The following PLAAT5 variants were observed in gnomAD, a reference collection of about 807,000 sequenced individuals.
PLAAT5 encodes the protein Ca(2+)-independent N-acyltransferase.
A neutral mutation model predicts 27.8 loss-of-function variants in PLAAT5; 27 were observed. The ratio of observed to expected loss-of-function variants is 0.97; its 90% CI spans 0.72 to 1.34. PLAAT5 has a LOEUF of 1.34. Among genes scored for constraint, PLAAT5 ranks in the 40% most tolerant of loss-of-function variants. The pLI, the probability that PLAAT5 is intolerant of heterozygous loss-of-function variation, is 0.00. For synonymous variants in PLAAT5, 125 were observed against 136.1 expected (o/e 0.92, Z 0.57); for missense variants, 368 against 343.8 (o/e 1.07, Z -0.56).
In PLAAT5 at chr11:63,491,008, C is replaced by G. The variant is rs548967553; in HGVS notation, c.27G>C (p.Gly9=). The change falls in exon 1 of 6, where the codon GGG becomes GGC. Residue 9 remains glycine (G), a synonymous_variant. Coordinates refer to ENST00000540857, the MANE Select transcript of PLAAT5 (RefSeq NM_001146729.2). The part of the protein sequence containing the change: MGLSPGAE[G]EYALRLPRIP... ...TCCTAGGGAGGCGGAGCGCGTACTCCCCCTCGGCGCCCGGGCTCAGGCCCA... is the reference window on the plus strand; with the variant it reads ...TCCTAGGGAGGCGGAGCGCGTACTCGCCCTCGGCGCCCGGGCTCAGGCCCA... 58 of 1,516,930 alleles carry G rather than the reference C, an allele frequency of 3.8e-5. No individual in the cohort carries two copies. In the African/African-American group the frequency reaches 7.0e-4, roughly 18 times the overall value. 94.0% of individuals were successfully genotyped at this position (1,516,930 alleles called of 1,614,324 possible). A position where few individuals can be genotyped will look rare whatever the true frequency, so the allele number is the denominator to read the frequency against.
Position 63,463,600 on chromosome 11 carries a change from A to T in PLAAT5, c.718-5T>A, listed in dbSNP as rs1350722773. 2 of 1,612,460 alleles carry T rather than the reference A, an allele frequency of 1.2e-6. No homozygotes were observed. Among genetic ancestry groups the T allele is most frequent in the African/African-American group, 2.7e-5 (2 of 74,898 alleles). ...TTCCATCAGGGCGTGCTCTACCTGCAAAGCACATCAGTTCACAGGACAATC... is the reference window on the plus strand; with the variant it reads ...TTCCATCAGGGCGTGCTCTACCTGCTAAGCACATCAGTTCACAGGACAATC... On this transcript the variant is annotated splice_region_variant and splice_polypyrimidine_tract_variant and intron_variant, in intron 5 of 5. Coordinates refer to ENST00000540857, the MANE Select transcript of PLAAT5 (RefSeq NM_001146729.2).
At chr11:63,480,548 C>T (rs2016259269) in intron 3 of PLAAT5, among the ~76,000 whole-genome samples, 2 of 152,150 alleles carry the variant, frequency 1.3e-5, no homozygotes. Flanking sequence ...TGTTAAATTT[C>T]CTCCCACTGT....
chr11:63,469,127 TGTGTG>T (rs2015947123), intron 3 of PLAAT5, among the ~76,000 whole-genome samples: 1 of 145,824 alleles, frequency 6.9e-6, no homozygotes. Flanking sequence ...TGTGTGTGTG[TGTGTG>T]TGTGTGTGTG....
chr11:63,466,499 G>A, intron 4 of PLAAT5, 127 bp from the exon 5 acceptor site: 1 of 949,132 alleles, frequency 1.1e-6, no homozygotes, highest in Non-Finnish European at 1.5e-6. Flanking sequence ...GGTGGCAGAA[G>A]AGGGGAAGTT....
At chr11:63,473,716 T>G (rs2016086605) in intron 3 of PLAAT5, among the ~76,000 whole-genome samples, 1 of 151,032 alleles carries the variant, frequency 6.6e-6, no homozygotes, top group Non-Finnish European at 1.5e-5. Flanking sequence ...GTTTTTTTTT[T>G]TTTTTTGGTT....
chr11:63,490,424 A>G, intron 1 of PLAAT5, 91 bp from the exon 2 acceptor site: 2 of 1,603,464 alleles, frequency 1.2e-6, no homozygotes, highest in Non-Finnish European at 1.7e-6. Flanking sequence ...TCAGAGCTCT[A>G]GTCTAGCATC....
chr11:63,490,614 C>A (rs2016540669), intron 1 of PLAAT5: 2 of 610,248 alleles, frequency 3.3e-6, no homozygotes, highest in African/African-American at 3.7e-5. Context: ...ATGGGAGGAA[C>A]CTCTGCCGAG....
In PLAAT5 at chr11:63,490,938, C is replaced by A; in HGVS notation, c.97G>T (p.Gly33Trp). 1.9e-6 allele frequency: 3 copies of A among 1,597,708 alleles called. No individual in the cohort carries two copies. The highest frequency in any genetic ancestry group is 2.3e-5 in the East Asian group (1 of 43,168). ...AGCGCAGGCGGCTGGTCCTTGGGCC[C>A]GGTACTGGCGGTTCGCGAGGCGGGT... ...PKPASRTAST[G>W]PKDQPPALRR... is the part of the protein sequence containing the mutation. The change falls in exon 1 of 6, where the codon GGG becomes TGG. Residue 33 changes from glycine to tryptophan, a missense_variant. Gly to Trp is a radical substitution (Grantham distance 184). Coordinates refer to ENST00000540857, the MANE Select transcript of PLAAT5 (RefSeq NM_001146729.2).
chr11:63,469,491 C>G (rs2015963569), intron 3 of PLAAT5: 1 of 241,532 alleles, frequency 4.1e-6, no homozygotes, highest in African/African-American at 2.3e-5. Flanking sequence ...TCTCATTTCA[C>G]CCAAGACCTT....
chr11:63,482,994 GT>G (rs1314119433), intron 3 of PLAAT5, among the ~76,000 whole-genome samples: 3 of 152,026 alleles, frequency 2.0e-5, no homozygotes, highest in Non-Finnish European at 4.4e-5. Flanking sequence ...AACAACAACG[GT>G]TTAAAAAGAC....
intron 2 of PLAAT5, 55 bp downstream of exon 2, chr11:63,490,188 C>T: frequency 6.2e-7 from 1 of 1,612,052 alleles, no homozygotes; most frequent in Non-Finnish European, 8.5e-7. Flanking sequence ...CATTCCAAGT[C>T]AATTCTCCAA....
intron 3 of PLAAT5, among the ~76,000 whole-genome samples, chr11:63,483,797 A>ATGTGTG (rs1565215169): frequency 1.8e-5 from 1 of 54,130 alleles, no homozygotes; most frequent in Non-Finnish European, 2.8e-5. Flanking sequence ...ATATATATAT[A>ATGTGTG]TATGTATATA....
intron 3 of PLAAT5, among the ~76,000 whole-genome samples, chr11:63,485,834 G>A (rs754961270): frequency 4.7e-4 from 72 of 152,098 alleles, no homozygotes; most frequent in Middle Eastern, 3.4e-3. Flanking sequence ...CAGAGTAAAC[G>A]GACAACCCAC....
chr11:63,466,310 T>A lies in PLAAT5; in HGVS notation c.517A>T (p.Ser173Cys). The change falls in exon 5 of 6, where the codon AGT (serine) becomes TGT (cysteine). Residue 173 changes from serine (S) to cysteine (C), a missense_variant. By Grantham distance (112) the Ser-to-Cys change is moderately radical. Transcript: ENST00000540857. ...CCATGCAGCACATCCTCCAGACGACTGTATTTCACCACGGCCCGATTGCTA... is the reference window on the plus strand; with the variant it reads ...CCATGCAGCACATCCTCCAGACGACAGTATTTCACCACGGCCCGATTGCTA... ...IFSNRAVVKY[S>C]RLEDVLHGCS... The A allele has an allele frequency of 6.2e-7, 1 of 1,614,180 alleles. No individual in the cohort carries two copies. Among genetic ancestry groups the A allele is most frequent in the South Asian group, 1.1e-5 (1 of 91,082 alleles).
chr11:63,470,882 A>C (rs1003486529), intron 3 of PLAAT5: 1 of 152,220 alleles, frequency 6.6e-6, no homozygotes, highest in East Asian at 1.9e-4. Flanking sequence ...AAGCCTTTAA[A>C]GTGAATAAGA....
At position 63,491,007 on chromosome 11, in the gene PLAAT5, C is replaced by G; in HGVS notation, c.28G>C (p.Glu10Gln). The change falls in exon 1 of 6, where the codon GAG (glutamate) becomes CAG (glutamine). Residue 10 changes from glutamate to glutamine, a missense_variant. Glu to Gln is a conservative substitution (Grantham distance 29). Coordinates refer to ENST00000540857, the MANE Select transcript of PLAAT5 (RefSeq NM_001146729.2). MGLSPGAEG[E>Q]YALRLPRIPP... ...ATCCTAGGGAGGCGGAGCGCGTACTCCCCCTCGGCGCCCGGGCTCAGGCCC... is the reference window on the plus strand; with the variant it reads ...ATCCTAGGGAGGCGGAGCGCGTACTGCCCCTCGGCGCCCGGGCTCAGGCCC... 1 of 1,522,130 alleles carries G rather than the reference C, an allele frequency of 6.6e-7. No homozygotes were observed. The highest frequency in any genetic ancestry group is 8.8e-7 in the Non-Finnish European group (1 of 1,135,036). The allele number at this position is 1,522,130 out of a possible 1,614,324, so 94.3% of individuals were successfully genotyped here.
chr11:63,467,270 G>C (rs57210597), intron 4 of PLAAT5, among the ~76,000 whole-genome samples: 9,706 of 152,202 alleles, frequency 0.064, 493 homozygotes, highest in African/African-American at 0.14. Flanking sequence ...AGATAGGGGT[G>C]GGGGAAGACA....
At chr11:63,468,556 C>T in intron 3 of PLAAT5, 91 bp from the exon 4 acceptor site, 2 of 905,670 alleles carry the variant, frequency 2.2e-6, no homozygotes, top group South Asian at 1.6e-5. Flanking sequence ...CCTAAAGATC[C>T]CCTCAGTGTG....
intron 3 of PLAAT5, among the ~76,000 whole-genome samples, chr11:63,485,046 G>GT (rs2016400830): frequency 6.7e-6 from 1 of 149,366 alleles, no homozygotes. Flanking sequence ...TAAAACAGCT[G>GT]TAAAAAAAAA....
Sources: gnomAD v4.1 joint callset for allele counts (sites outside exome capture counted in the v4.1 genomes callset) on GRCh38, gnomAD v4.1.1 for gene constraint, MANE v1.5 for transcripts, NCBI Gene and HGNC (gene_info 2026-07-23, HGNC 2026-07-21) for gene names.